Variants in CREB3L3 observed in about 807,000 individuals in gnomAD.
CREB3L3 encodes cAMP responsive element binding protein 3 like 3.
In CREB3L3, 40 loss-of-function variants were observed where a neutral mutation model predicts 44.6. The ratio of observed to expected loss-of-function variants is 0.90; its 90% CI spans 0.70 to 1.17. The LOEUF (loss-of-function observed/expected upper bound fraction) is 1.17. Ranked by LOEUF, CREB3L3 falls within the 50% of genes most tolerant of loss-of-function variation. The pLI, the probability that CREB3L3 is intolerant of heterozygous loss-of-function variation, is 0.00. For missense variants in CREB3L3, 578 were observed against 595.8 expected, an observed-to-expected ratio of 0.97 and a Z score of 0.31; for synonymous variants, 273 against 256.3, an observed-to-expected ratio of 1.06 and a Z score of -0.62.
At position 4,164,592 on chromosome 19, in the gene CREB3L3, G is replaced by A; in HGVS notation, c.666G>A (p.Leu222=). 1 of 1,614,128 alleles carries A rather than the reference G, an allele frequency of 6.2e-7. No individual in the cohort carries two copies. Among genetic ancestry groups the A allele is most frequent in the Admixed American group, 1.7e-5 (1 of 60,014 alleles). ...TGCTCACCGAGGATGAGAAGAAGCT[G>A]CTGGCTAAAGAAGGCATCACCCTGC... ...ELVLTEDEKK[L]LAKEGITLPT... The change falls in exon 5 of 10, where the codon CTG becomes CTA. Residue 222 remains leucine (L), a synonymous_variant. Coordinates refer to ENST00000078445, the MANE Select transcript of CREB3L3 (RefSeq NM_032607.3).
chr19:4,167,352 A>AAGAAAGAAAGAG (rs377740874), intron 5 of CREB3L3, among the ~76,000 whole-genome samples: 1,376 of 130,170 alleles, frequency 0.011, 18 homozygotes, highest in African/African-American at 0.036. Flanking sequence ...GAAAGAAAGA[A>AAGAAAGAAAGAG]AGAGAGAGAG....
chr19:4,164,689 C>T (rs1283503176), intron 5 of CREB3L3, 49 bp downstream of exon 5: 2 of 1,601,482 alleles, frequency 1.2e-6, no homozygotes, highest in Non-Finnish European at 1.7e-6. Context: ...CCTTCGTGCA[C>T]TTACCTGCAT....
chr19:4,172,014 C>A lies in CREB3L3; in HGVS notation c.*45C>A. ...CCCAGGCCCCTCTGCCCAGGGGTGC[C>A]TTGGGGATGCTGCACTGGGCAGCTA... On this transcript the variant is annotated 3_prime_UTR_variant, in exon 10 of 10. Coordinates refer to ENST00000078445, the MANE Select transcript of CREB3L3 (RefSeq NM_032607.3). 6.6e-7 allele frequency: 1 copy of A among 1,515,866 alleles called. No individual in the cohort carries two copies. The highest frequency in any genetic ancestry group is 2.0e-5 in the Admixed American group (1 of 49,840). 93.9% of individuals were successfully genotyped at this position (1,515,866 alleles called of 1,614,324 possible).
At chr19:4,170,860 G>A (rs970731302) in intron 7 of CREB3L3, among the ~76,000 whole-genome samples, 2 of 151,604 alleles carry the variant, frequency 1.3e-5, no homozygotes, top group East Asian at 1.9e-4. Flanking sequence ...GCAGTGAGCT[G>A]CCATCCCACC....
rs149917178 is a variant in CREB3L3, at chr19:4,157,200, G to A, written c.362G>A (p.Gly121Glu). The A allele has an allele frequency of 1.5e-5, 25 of 1,613,862 alleles. No homozygotes were observed. In the Admixed American group the frequency reaches 1.7e-4, roughly 11 times the overall value. The stretch of plus-strand genomic sequence containing the variant: ...TGCCATCCTGCCCAGCCTGGCAAGG[G>A]GCCCTGCCTCTCCTATCATCCTGGC... ...AGCHPAQPGK[G>E]PCLSYHPGNS... Residue 121 changes from glycine to glutamate, a missense_variant, in exon 3 of 10, where the codon GGG becomes GAG. Gly to Glu is a moderately conservative substitution (Grantham distance 98). Transcript: ENST00000078445.
rs372809788 is a variant in CREB3L3 at position 4,153,702 on chromosome 19, G to C, written c.-46G>C. The C allele has an allele frequency of 1.1e-5, 17 of 1,612,552 alleles. 1 individual carries two copies. The highest frequency in any genetic ancestry group is 1.6e-4 in the Middle Eastern group (1 of 6,078). ...TGGCGGTGGGTGGGCCTCCAGCTTG[G>C]AGCAGAGACCCCCCGAGGCATCTGC... On this transcript the variant is annotated 5_prime_UTR_variant, in exon 1 of 10. Coordinates refer to ENST00000078445, the MANE Select transcript of CREB3L3 (RefSeq NM_032607.3).
Position 4,171,250 on chromosome 19 carries a change from T to C in CREB3L3, c.975+75T>C. The C allele has an allele frequency of 6.8e-7, 1 of 1,468,952 alleles. No homozygotes were observed. Among genetic ancestry groups the C allele is most frequent in the Non-Finnish European group, 9.5e-7 (1 of 1,049,554 alleles). 91.0% of individuals were successfully genotyped at this position (1,468,952 alleles called of 1,614,324 possible). On this transcript the variant is annotated intron_variant, in intron 8 of 9. Transcript: ENST00000078445. This position sits in a 1 kb window ranked among gnomAD's most constrained non-coding sequence, Gnocchi z 4.9. ...GGGCCCATAGGGAGGTGACAATGAG[T>C]CCAAGCTCTCCTTGTGCCCCAGCTC... is the stretch of plus-strand genomic sequence containing the variant.
At chr19:4,156,056 CTCTT>C (rs1227085507) in intron 2 of CREB3L3, among the ~76,000 whole-genome samples, 20 of 148,004 alleles carry the variant, frequency 1.4e-4, no homozygotes, top group South Asian at 1.3e-3. Context: ...GCCCTTTTTT[CTCTT>C]TCTTTCTCTC....
chr19:4,156,195 C>CTCTCTT (rs1568277884), intron 2 of CREB3L3, among the ~76,000 whole-genome samples: 1 of 132,810 alleles, frequency 7.5e-6, no homozygotes, highest in Non-Finnish European at 1.5e-5. Flanking sequence ...CTCTCTCTCT[C>CTCTCTT]TCTTTCTTAG....
rs2041536762 is a variant in CREB3L3, at chr19:4,153,648, C to G, written c.-100C>G. On this transcript the variant is annotated 5_prime_UTR_variant, in exon 1 of 10. Coordinates refer to ENST00000078445, the MANE Select transcript of CREB3L3 (RefSeq NM_032607.3). ...GGAGTGGTGACAGAGCCACAGAGGG[C>G]TGTGAGCTTGCCCGGCCCCAGGTAA... 8.3e-6 allele frequency: 12 copies of G among 1,439,780 alleles called. No individual in the cohort carries two copies. The highest frequency in any genetic ancestry group is 1.1e-5 in the Non-Finnish European group (11 of 1,030,082). The allele number at this position is 1,439,780 out of a possible 1,614,324, so 89.2% of individuals were successfully genotyped here.
At chr19:4,160,478 C>A (rs2041644493) in intron 4 of CREB3L3, among the ~76,000 whole-genome samples, 1 of 149,382 alleles carries the variant, frequency 6.7e-6, no homozygotes, top group Non-Finnish European at 1.5e-5. Flanking sequence ...CTCAAGCGAT[C>A]CTCCTGCCTC....
Position 4,154,938 on chromosome 19 carries a change from T to A in CREB3L3, c.67T>A (p.Phe23Ile). The A allele has an allele frequency of 6.2e-7, 1 of 1,613,864 alleles. No individual in the cohort carries two copies. The highest frequency in any genetic ancestry group is 8.5e-7 in the Non-Finnish European group (1 of 1,180,034). ...CTGCTCCATGGACCCCATCGACAGC[T>A]TTGAGCTCCTGGATCTCCTGTTTGA... ...AACSMDPIDS[F>I]ELLDLLFDRQ... Residue 23 changes from phenylalanine to isoleucine, a missense_variant, in exon 2 of 10, where the codon TTT (phenylalanine) becomes ATT (isoleucine). Physicochemically the swap from Phe to Ile is conservative, Grantham distance 21. Coordinates refer to ENST00000078445, the MANE Select transcript of CREB3L3 (RefSeq NM_032607.3).
chr19:4,170,024 C>T, intron 6 of CREB3L3, 116 bp from the exon 7 acceptor site: 3 of 972,668 alleles, frequency 3.1e-6, no homozygotes, highest in Non-Finnish European at 5.0e-6. Flanking sequence ...TGAATGACTT[C>T]CCCTCTCTGG....
At chr19:4,167,542 G>A (rs6510787) in intron 5 of CREB3L3, among the ~76,000 whole-genome samples, 30,910 of 121,210 alleles carry the variant, frequency 0.26, 4,855 homozygotes, top group East Asian at 0.57. Flanking sequence ...GGAAGGAAGG[G>A]AGGGAGGGAG....
chr19:4,161,037 G>A (rs1180244083), intron 4 of CREB3L3, among the ~76,000 whole-genome samples: 3 of 149,534 alleles, frequency 2.0e-5, no homozygotes, highest in African/African-American at 4.9e-5. Flanking sequence ...TCAGCCTCCC[G>A]AGTAGCTGGG....
chr19:4,170,059 G>A (rs1237899883), intron 6 of CREB3L3, 81 bp from the exon 7 acceptor site: 31 of 1,352,922 alleles, frequency 2.3e-5, no homozygotes, highest in South Asian at 2.0e-4. Context: ...GGCTTGTAAC[G>A]TGAGGCCTCT....
At position 4,157,324 on chromosome 19, in the gene CREB3L3, C is replaced by A. The variant is rs138676672; in HGVS notation, c.457+29C>A. The A allele has an allele frequency of 1.6e-5, 26 of 1,611,998 alleles. No individual in the cohort carries two copies. The Middle Eastern group carries it at 2.3e-3, about 143-fold the overall frequency. ...AGTCCTGCTGTGTCTCTGCCCACCGCCCTCACCTTGTTCCAGGGCCCTTCC... is the reference window on the plus strand; with the variant it reads ...AGTCCTGCTGTGTCTCTGCCCACCGACCTCACCTTGTTCCAGGGCCCTTCC... On this transcript the variant is annotated intron_variant, in intron 3 of 9. Transcript: ENST00000078445.
intron 3 of CREB3L3, among the ~76,000 whole-genome samples, chr19:4,158,125 G>C (rs35941025): frequency 9.2e-5 from 14 of 152,172 alleles, no homozygotes; most frequent in Non-Finnish European, 2.1e-4. Context: ...GCCCTGGCTG[G>C]AGATACTTGG....
At chr19:4,160,207 G>A (rs1055358610) in intron 4 of CREB3L3, among the ~76,000 whole-genome samples, 1 of 151,360 alleles carries the variant, frequency 6.6e-6, no homozygotes, top group Non-Finnish European at 1.5e-5. Flanking sequence ...GAGGTGGAAG[G>A]ATCGCTTGAG....
Sources: gnomAD v4.1 joint callset for allele counts (sites outside exome capture counted in the v4.1 genomes callset) on GRCh38, gnomAD v4.1.1 for gene constraint, Gnocchi (gnomAD v3.1) non-coding constraint, MANE v1.5 for transcripts, NCBI Gene and HGNC (gene_info 2026-07-23, HGNC 2026-07-21) for gene names.